KLC4: variants seen among roughly 807,000 people sequenced by gnomAD.
KLC4 encodes the protein kinesin-like protein 8.
A neutral mutation model predicts 77.2 loss-of-function variants in KLC4; 49 were observed. The ratio of observed to expected loss-of-function variants is 0.63; its 90% CI spans 0.50 to 0.80. KLC4 has a LOEUF of 0.80. Ranked by LOEUF, KLC4 falls within the 30% of genes least tolerant of loss-of-function variation. The pLI, the probability that KLC4 is intolerant of heterozygous loss-of-function variation, is 0.00. For synonymous variants in KLC4, 274 were observed against 314.5 expected (o/e 0.87, Z 1.36); for missense variants, 669 against 793.5 (o/e 0.84, Z 1.89).
At position 43,073,764 on chromosome 6, in the gene KLC4, G is replaced by A. The variant is rs139933548; in HGVS notation, c.1746-138G>A. On this transcript the variant is annotated intron_variant, in intron 14 of 15. Transcript: ENST00000347162. ...GAAGTATCTCGGAGAGAAACAGGGA[G>A]GAAGTCAACGGGCCAGCCATGGAGA... 1.2e-4 allele frequency: 85 copies of A among 714,490 alleles called. No homozygotes were observed. In the African/African-American group the frequency reaches 1.4e-3, roughly 12 times the overall value. The allele number at this position is 714,490 out of a possible 1,614,324, so 44.3% of individuals were successfully genotyped here.
Position 43,071,554 on chromosome 6 carries a change from G to A in KLC4, c.1256-13G>A. On this transcript the variant is annotated splice_polypyrimidine_tract_variant and intron_variant, in intron 9 of 15. Transcript: ENST00000347162. The stretch of plus-strand genomic sequence containing the variant: ...CCCATCTCTAACCTCCCCACCCCAT[G>A]TATCACCCCTAGATGACCACAAGCC... 3.7e-6 allele frequency: 6 copies of A among 1,611,860 alleles called. No individual in the cohort carries two copies. Among genetic ancestry groups the A allele is most frequent in the Non-Finnish European group, 5.1e-6 (6 of 1,178,712 alleles).
rs765490839 is a variant in KLC4 at position 43,063,064 on chromosome 6, G to T, written c.406G>T (p.Ala136Ser). ...TQQRLQRSEQ[A>S]VAQLEEEKKH... ...GCAGCGGCTACAGCGCAGTGAACAGGCTGTGGCTCAGCTGGAGGAGGAAAA... is the reference window on the plus strand; with the variant it reads ...GCAGCGGCTACAGCGCAGTGAACAGTCTGTGGCTCAGCTGGAGGAGGAAAA... Residue 136 changes from alanine (A) to serine (S), a missense_variant, in exon 3 of 16, where the codon GCT (alanine) becomes TCT (serine). Physicochemically the swap from Ala to Ser is moderately conservative, Grantham distance 99. Transcript: ENST00000347162. The T allele has an allele frequency of 3.1e-6, 5 of 1,614,266 alleles. No homozygotes were observed. Among genetic ancestry groups the T allele is most frequent in the South Asian group, 1.1e-5 (1 of 91,088 alleles).
chr6:43,071,317 A>G lies in KLC4; in HGVS notation c.1198A>G (p.Thr400Ala), dbSNP rs200112547. The G allele has an allele frequency of 3.0e-5, 48 of 1,613,904 alleles. 1 individual carries two copies. The East Asian group carries it at 1.1e-3, about 36-fold the overall frequency. ...LKQGKYAEAE[T>A]LYKEILTRAH... ...ACAGGGCAAATATGCTGAGGCTGAG[A>G]CACTATACAAAGAGATCCTGACCCG... is the stretch of plus-strand genomic sequence containing the variant. Residue 400 changes from threonine (T) to alanine (A), a missense_variant, in exon 9 of 16, where the codon ACA becomes GCA. Physicochemically the swap from Thr to Ala is moderately conservative, Grantham distance 58 (BLOSUM62 0). Transcript: ENST00000347162.
At position 43,061,007 on chromosome 6, in the gene KLC4, G is replaced by A. The variant is rs1451119464; in HGVS notation, c.-25-304G>A. On this transcript the variant is annotated intron_variant, in intron 1 of 15. Transcript: ENST00000347162. ...CCCTTGATTCCTTTTCCTAACTCAG[G>A]CTGTAACTGCTTTTTTGTTCTTTTC... The A allele has an allele frequency of 1.2e-5, 4 of 345,156 alleles. No homozygotes were observed. The East Asian group carries it at 1.7e-4, about 15-fold the overall frequency. 21.4% of individuals were successfully genotyped at this position (345,156 alleles called of 1,614,324 possible).
Position 43,063,026 on chromosome 6 carries a change from T to G in KLC4, c.368T>G (p.Leu123Arg), listed in dbSNP as rs1183799125. 1 of 1,614,200 alleles carries G rather than the reference T, an allele frequency of 6.2e-7. No homozygotes were observed. The highest frequency in any genetic ancestry group is 1.3e-5 in the African/African-American group (1 of 75,064). The stretch of plus-strand genomic sequence containing the variant: ...GAGAACCAGTGGCTGCGGGATGAGC[T>G]GGCTGGCACCCAGCAGCGGCTACAG... ...CQENQWLRDE[L>R]AGTQQRLQRS... Residue 123 changes from leucine (L) to arginine (R), a missense_variant, in exon 3 of 16, where the codon CTG (leucine) becomes CGG (arginine). Coordinates refer to ENST00000347162, the MANE Select transcript of KLC4 (RefSeq NM_201521.3).
chr6:43,065,737 G>A, intron 4 of KLC4, 36 bp downstream of exon 4: 2 of 1,447,664 alleles, frequency 1.4e-6, no homozygotes, highest in Non-Finnish European at 1.9e-6. Flanking sequence ...GTGAAAAGGG[G>A]CAGCAGGAGG....
intron 1 of KLC4, chr6:43,060,306 A>T: frequency 6.2e-7 from 1 of 1,604,412 alleles, no homozygotes; most frequent in East Asian, 2.3e-5. Context: ...TCTCTCTCTC[A>T]TTCCCTTCCT....
Position 43,072,245 on chromosome 6 carries a change from C to T in KLC4, c.1478C>T (p.Ser493Phe). ...ACCCTGGAGGAATGTGCCCTGCGGT[C>T]CCGGAGACAGGTCAGAAGCCCAGAG... ...AETLEECALRSRRQGTDPISQ... is the reference protein window; with the variant it reads ...AETLEECALRFRRQGTDPISQ... The change falls in exon 12 of 16, where the codon TCC becomes TTC. Residue 493 changes from serine to phenylalanine, a missense_variant. Transcript: ENST00000347162. The T allele has an allele frequency of 6.2e-7, 1 of 1,613,544 alleles. No individual in the cohort carries two copies. Among genetic ancestry groups the T allele is most frequent in the Non-Finnish European group, 8.5e-7 (1 of 1,179,604 alleles).
intron 9 of KLC4, 86 bp downstream of exon 9, chr6:43,071,460 A>G: frequency 1.3e-6 from 2 of 1,535,602 alleles, no homozygotes; most frequent in Admixed American, 1.7e-5. Context: ...AGCGGTTCCC[A>G]GGGGGAGCCA....
chr6:43,066,956 C>T (rs141558704), intron 5 of KLC4, 40 bp from the exon 6 acceptor site: 85 of 1,587,650 alleles, frequency 5.4e-5, no homozygotes, highest in Admixed American at 2.2e-4. Context: ...AGAAGGCTTG[C>T]GGGTTCAGGG....
intron 6 of KLC4, among the ~76,000 whole-genome samples, chr6:43,069,405 A>G (rs1244261112): frequency 6.6e-6 from 1 of 151,360 alleles, no homozygotes; most frequent in Non-Finnish European, 1.5e-5. Flanking sequence ...CTACCACGCC[A>G]GGCTAATTTT....
intron 6 of KLC4, 113 bp from the exon 7 acceptor site, chr6:43,070,241 G>C: frequency 1.5e-6 from 1 of 676,214 alleles, no homozygotes; most frequent in Non-Finnish European, 2.6e-6. Flanking sequence ...AGTAGACTTT[G>C]TCTCTTAGAG....
Position 43,059,649 on chromosome 6 carries a change from T to C in KLC4, c.-62T>C, listed in dbSNP as rs1765029752. 7.3e-7 allele frequency: 1 copy of C among 1,366,858 alleles called. No individual in the cohort carries two copies. Among genetic ancestry groups the C allele is most frequent in the Non-Finnish European group, 9.4e-7 (1 of 1,064,352 alleles). 84.7% of individuals were successfully genotyped at this position (1,366,858 alleles called of 1,614,324 possible). On this transcript the variant is annotated 5_prime_UTR_variant, in exon 1 of 16. Coordinates refer to ENST00000347162, the MANE Select transcript of KLC4 (RefSeq NM_201521.3). ...AGCCATCATGGATTTAAAGGGGCAGTACCGGCAAGAGCGGCAGCCACACCG... is the reference window on the plus strand; with the variant it reads ...AGCCATCATGGATTTAAAGGGGCAGCACCGGCAAGAGCGGCAGCCACACCG...
chr6:43,073,836 GC>G, intron 14 of KLC4, 65 bp from the exon 15 acceptor site: 2 of 1,427,582 alleles, frequency 1.4e-6, no homozygotes, highest in South Asian at 2.3e-5. Context: ...TGCTCAAGAG[GC>G]CCACAGCCTT....
At chr6:43,066,912 T>C (rs1388821309) in intron 5 of KLC4, 84 bp from the exon 6 acceptor site, 1 of 1,546,934 alleles carries the variant, frequency 6.5e-7, no homozygotes, top group Non-Finnish European at 8.8e-7. Context: ...AATCCTTAAA[T>C]GTACTCAGTC....
intron 4 of KLC4, among the ~76,000 whole-genome samples, 190 bp downstream of exon 4, chr6:43,065,891 T>G (rs1325159891): frequency 6.6e-6 from 1 of 152,182 alleles, no homozygotes; most frequent in Admixed American, 6.5e-5. Flanking sequence ...TATTAAGCAC[T>G]GAATATGTGC....
chr6:43,068,156 A>T (rs1038226189), intron 6 of KLC4, among the ~76,000 whole-genome samples: 3 of 148,392 alleles, frequency 2.0e-5, no homozygotes, highest in African/African-American at 7.4e-5. Flanking sequence ...ATAGGTGGAC[A>T]CTTTATTAAA....
intron 12 of KLC4, 80 bp from the exon 13 acceptor site, chr6:43,072,744 C>T (rs1360618782): frequency 7.0e-7 from 1 of 1,419,736 alleles, no homozygotes; most frequent in Non-Finnish European, 9.7e-7. Flanking sequence ...CTTCCAGTGG[C>T]TGATGGTGAA....
chr6:43,060,964 C>T (rs1765119409), intron 1 of KLC4: 1 of 268,340 alleles, frequency 3.7e-6, no homozygotes, highest in African/African-American at 2.2e-5. Context: ...CTGTGATCCC[C>T]ATAGTGCTGT....
Sources: gnomAD v4.1 joint callset for allele counts (sites outside exome capture counted in the v4.1 genomes callset) on GRCh38, gnomAD v4.1.1 for gene constraint, MANE v1.5 for transcripts, NCBI Gene and HGNC (gene_info 2026-07-23, HGNC 2026-07-21) for gene names.